Variants in IFNAR1 observed in about 807,000 individuals in gnomAD.
The protein encoded by IFNAR1 is interferon alpha and beta receptor subunit 1.
In IFNAR1, 47 loss-of-function variants were observed where a neutral mutation model predicts 62.1. The ratio of observed to expected loss-of-function variants is 0.76; its 90% confidence interval spans 0.60 to 0.97. The LOEUF (loss-of-function observed/expected upper bound fraction) is 0.97, where lower values mean the gene tolerates loss of function less well. Among genes scored for constraint, IFNAR1 ranks in the 50% least tolerant of loss-of-function variants. IFNAR1 has a pLI of 0.00. For missense variants in IFNAR1, 638 were observed against 654.5 expected, an observed-to-expected ratio of 0.97 and a Z score of 0.27; for synonymous variants, 219 against 226.9, an observed-to-expected ratio of 0.97 and a Z score of 0.31.
intron 1 of IFNAR1, chr21:33,334,650 T>A (rs2083215740): frequency 1.3e-6 from 1 of 745,302 alleles, no homozygotes; most frequent in East Asian, 3.2e-5. Context: ...TGCAATGGCT[T>A]CTGGGGAAGA....
chr21:33,329,350 G>T (rs370638661), intron 1 of IFNAR1, among the ~76,000 whole-genome samples: 43 of 152,232 alleles, frequency 2.8e-4, no homozygotes, highest in African/African-American at 9.4e-4. Context: ...ACCAAGTTAA[G>T]AATTCTAGAG....
Position 33,355,768 on chromosome 21 carries a change from AG to A in IFNAR1, c.*220del. 8.0e-6 allele frequency: 2 copies of A among 249,402 alleles called. No homozygotes were observed. The highest frequency in any genetic ancestry group is 1.6e-4 in the East Asian group (2 of 12,556). The allele number at this position is 249,402 out of a possible 1,614,324, so 15.4% of individuals were successfully genotyped here. A position where few individuals can be genotyped will look rare whatever the true frequency, so the allele number is the denominator to read the frequency against. On this transcript the variant is annotated 3_prime_UTR_variant, in exon 11 of 11. Coordinates refer to ENST00000270139, the MANE Select transcript of IFNAR1 (RefSeq NM_000629.3). ...CACGGTGGCTCACACCTGTAATCCC[AG>A]CACTTTGGGAGGCTGAGGCAGGCAG...
At position 33,358,737 on chromosome 21, in the gene IFNAR1, G is replaced by C. The variant is rs1293242298; in HGVS notation, c.*3188G>C. 1 of 152,064 alleles carries C rather than the reference G, an allele frequency of 6.6e-6. No homozygotes were observed. The highest frequency in any genetic ancestry group is 1.5e-5 in the Non-Finnish European group (1 of 68,030). The allele number at this position is 152,064 out of a possible 1,614,324, so 9.4% of individuals were successfully genotyped here. A position where few individuals can be genotyped will look rare whatever the true frequency, so the allele number is the denominator to read the frequency against. ...GTTAGGGCTAGGCACAGTGGCTCAT[G>C]CCTATAATCTCAGCACTTTTGGGAG... On this transcript the variant is annotated 3_prime_UTR_variant, in exon 11 of 11. Coordinates refer to ENST00000270139, the MANE Select transcript of IFNAR1 (RefSeq NM_000629.3).
chr21:33,325,952 T>A (rs1362007562), intron 1 of IFNAR1, among the ~76,000 whole-genome samples: 1 of 152,192 alleles, frequency 6.6e-6, no homozygotes, highest in Non-Finnish European at 1.5e-5. Context: ...AACTTTGGAA[T>A]GCCATTTGTT....
intron 8 of IFNAR1, 152 bp downstream of exon 8, chr21:33,349,695 C>A: frequency 1.7e-6 from 1 of 597,816 alleles, no homozygotes; most frequent in Non-Finnish European, 2.9e-6. Flanking sequence ...GAGGCCAAGG[C>A]GAGAGGATCA....
intron 5 of IFNAR1, among the ~76,000 whole-genome samples, chr21:33,345,012 T>C (rs182531740): frequency 2.0e-5 from 3 of 152,070 alleles, no homozygotes; most frequent in Non-Finnish European, 2.9e-5. Context: ...CGTCTCGAAC[T>C]CCTGACCTCA....
intron 5 of IFNAR1, among the ~76,000 whole-genome samples, chr21:33,344,411 G>A (rs1277671800): frequency 2.0e-5 from 3 of 151,520 alleles, no homozygotes; most frequent in African/African-American, 7.3e-5. Flanking sequence ...GCTGGGATTT[G>A]TTTATTTTAA....
chr21:33,349,090 G>A lies in IFNAR1; in HGVS notation c.789-1G>A, dbSNP rs1393095788. The A allele has an allele frequency of 8.3e-6, 13 of 1,569,822 alleles. No homozygotes were observed. Among genetic ancestry groups the A allele is most frequent in the African/African-American group, 5.5e-5 (4 of 72,926 alleles). On this transcript the variant is annotated splice_acceptor_variant, in intron 6 of 10. Coordinates refer to ENST00000270139, the MANE Select transcript of IFNAR1 (RefSeq NM_000629.3). LOFTEE classifies it high-confidence loss of function. ...AATTTAAAAAATATTTGTCTTAAAA[G>A]CGCCTTTTTAAAAAGGAATCCTGGA...
At chr21:33,354,417 G>A (rs1601036958) in intron 10 of IFNAR1, among the ~76,000 whole-genome samples, 1 of 152,278 alleles carries the variant, frequency 6.6e-6, no homozygotes, top group East Asian at 1.9e-4. Flanking sequence ...TTCAATTTGT[G>A]ATGCGTTTGT....
intron 1 of IFNAR1, chr21:33,335,089 A>G: frequency 2.4e-6 from 2 of 819,124 alleles, no homozygotes; most frequent in Admixed American, 3.6e-5. Context: ...TGCCCCTAGG[A>G]CTCAACCTTA....
chr21:33,339,049 A>AT (rs1237782764), intron 2 of IFNAR1, among the ~76,000 whole-genome samples: 1 of 152,052 alleles, frequency 6.6e-6, no homozygotes. Context: ...GCCAATAATG[A>AT]TTTTTTTAAG....
rs1180199400 is a variant in IFNAR1, at chr21:33,352,909, G to T, written c.1294+1G>T. 1 of 1,562,218 alleles carries T rather than the reference G, an allele frequency of 6.4e-7. No homozygotes were observed. The highest frequency in any genetic ancestry group is 1.2e-5 in the South Asian group (1 of 83,356). On this transcript the variant is annotated splice_donor_variant, in intron 9 of 10. Coordinates refer to ENST00000270139, the MANE Select transcript of IFNAR1 (RefSeq NM_000629.3). LOFTEE classifies it high-confidence loss of function. The stretch of plus-strand genomic sequence containing the variant: ...GCTGTATGTGAGAAAACAAAACCAG[G>T]TCAGAATCTTTTATTGTCTTTTTTA...
intron 3 of IFNAR1, among the ~76,000 whole-genome samples, chr21:33,342,534 G>A (rs1282587810): frequency 6.6e-6 from 1 of 151,800 alleles, no homozygotes; most frequent in Non-Finnish European, 1.5e-5. Context: ...TTCAAATTCT[G>A]TTCCTCCTCA....
intron 1 of IFNAR1, among the ~76,000 whole-genome samples, chr21:33,330,259 T>C (rs1291543760): frequency 6.6e-6 from 1 of 152,166 alleles, no homozygotes; most frequent in Admixed American, 6.5e-5. Flanking sequence ...AGATGGGCGG[T>C]TGTTGTTGTT....
intron 6 of IFNAR1, 65 bp downstream of exon 6, chr21:33,345,425 C>A: frequency 1.2e-6 from 1 of 852,966 alleles, no homozygotes; most frequent in Non-Finnish European, 2.0e-6. Flanking sequence ...TTTCGCTCTG[C>A]ATCAGTCACC....
chr21:33,338,652 G>A (rs561607395), intron 2 of IFNAR1, among the ~76,000 whole-genome samples: 1 of 151,914 alleles, frequency 6.6e-6, no homozygotes, highest in African/African-American at 2.4e-5. Context: ...TTATGAAACG[G>A]ATTTCATGAA....
At chr21:33,329,827 A>G (rs1030057685) in intron 1 of IFNAR1, among the ~76,000 whole-genome samples, 8 of 152,214 alleles carry the variant, frequency 5.3e-5, no homozygotes, top group South Asian at 2.1e-4. Context: ...GGAACTTGCA[A>G]TCTAGTTGGA....
In IFNAR1 at chr21:33,343,589, A is replaced by G. The variant is rs762301477; in HGVS notation, c.586A>G (p.Thr196Ala). 6.4e-7 allele frequency: 1 copy of G among 1,563,152 alleles called. No individual in the cohort carries two copies. The highest frequency in any genetic ancestry group is 8.8e-7 in the Non-Finnish European group (1 of 1,133,848). The stretch of plus-strand genomic sequence containing the variant: ...TAAAATTTATAAACTCTCACCAGAG[A>G]CTACTTATTGTCTAAAAGTTAAAGC... ...RHKIYKLSPE[T>A]TYCLKVKAAL... Residue 196 changes from threonine (T) to alanine (A), a missense_variant, in exon 5 of 11, where the codon ACT becomes GCT. Thr to Ala is a moderately conservative substitution (Grantham distance 58). Transcript: ENST00000270139.
In IFNAR1 at chr21:33,349,265, G is replaced by A. The variant is rs758983401; in HGVS notation, c.963G>A (p.Glu321=). ...DGNNTSFWSE[E]IKFDTEIQAF... is the part of the protein sequence containing the mutation. Reference sequence around the variant, plus strand: ...ATAACACATCTTTTTGGTCTGAAGAGATAAAGTTTGATACTGAAATACAAG... The same window carrying A: ...ATAACACATCTTTTTGGTCTGAAGAAATAAAGTTTGATACTGAAATACAAG... Residue 321 remains glutamate, a synonymous_variant, in exon 7 of 11, where the codon GAG becomes GAA. Coordinates refer to ENST00000270139, the MANE Select transcript of IFNAR1 (RefSeq NM_000629.3). 3.1e-6 allele frequency: 5 copies of A among 1,607,048 alleles called. No homozygotes were observed. The African/African-American group carries it at 4.0e-5, about 13-fold the overall frequency.
Sources: allele counts gnomAD v4.1 joint callset (sites outside exome capture counted in the v4.1 genomes callset), GRCh38; gene constraint gnomAD v4.1.1; transcripts MANE v1.5; gene names NCBI Gene and HGNC (gene_info 2026-07-23, HGNC 2026-07-21).